PAX3: variants seen among roughly 807,000 people sequenced by gnomAD.
PAX3 encodes the protein paired box 3.
Under a neutral mutation model 51.6 loss-of-function variants are expected in PAX3, and 14 were observed. The ratio of observed to expected loss-of-function variants is 0.27; its 90% CI spans 0.18 to 0.42. The LOEUF (loss-of-function observed/expected upper bound fraction) is 0.42, where lower values mean the gene tolerates loss of function less well. PAX3 is among the 10% of genes least tolerant of loss of function. The pLI is 1.00. For synonymous variants in PAX3, 280 were observed against 253.4 expected, an observed-to-expected ratio of 1.11 and a Z score of -1.00; for missense variants, 540 against 642.8, an observed-to-expected ratio of 0.84 and a Z score of 1.73.
At chr2:222,220,029 A>G (rs558320570) in intron 7 of PAX3, 111 bp downstream of exon 7, 7 of 923,156 alleles carry the variant, frequency 7.6e-6, no homozygotes, top group South Asian at 4.3e-5. Flanking sequence ...TGGCTTCTAT[A>G]AAGAATACAT....
At chr2:222,209,680 C>A (rs59277927) in intron 7 of PAX3, among the ~76,000 whole-genome samples, 23,775 of 110,680 alleles carry the variant, frequency 0.21, 2,288 homozygotes, top group East Asian at 0.33. Flanking sequence ...GTCAATACAG[C>A]AAAACTCTGT....
At chr2:222,245,452 A>C (rs754573185) in intron 4 of PAX3, among the ~76,000 whole-genome samples, 16 of 152,226 alleles carry the variant, frequency 1.1e-4, no homozygotes, top group Non-Finnish European at 2.2e-4. Context: ...GTCCACAACC[A>C]ATGTGAATAG....
intron 4 of PAX3, among the ~76,000 whole-genome samples, chr2:222,243,141 G>A (rs143714186): frequency 6.6e-6 from 1 of 152,180 alleles, no homozygotes; most frequent in African/African-American, 2.4e-5. Context: ...AGCATGACAC[G>A]AGATGTTTGG....
intron 4 of PAX3, among the ~76,000 whole-genome samples, chr2:222,250,726 G>A (rs953654416): frequency 2.0e-5 from 3 of 152,124 alleles, no homozygotes; most frequent in African/African-American, 4.8e-5. Context: ...CAAAGATGTG[G>A]CTTTATTCTC....
chr2:222,297,315 A>C, intron 1 of PAX3, 102 bp from the exon 2 acceptor site: 4 of 858,520 alleles, frequency 4.7e-6, no homozygotes, highest in Non-Finnish European at 7.7e-6. Context: ...TCCTATCCTC[A>C]TGTTACAGCA....
chr2:222,263,345 G>A (rs745421451), intron 4 of PAX3: 2 of 152,000 alleles, frequency 1.3e-5, no homozygotes, highest in Non-Finnish European at 2.9e-5. Flanking sequence ...ATATATGGTT[G>A]GCAAATAAGG....
At position 222,298,935 on chromosome 2, in the gene PAX3, C is replaced by G. The variant is rs1695462789; in HGVS notation, c.-320G>C. ...GGGGGCTCAGAGAGCCACGGCGAGC[C>G]GGGGAGCCTGGTGAGGCTGGAGCGC... is the stretch of plus-strand genomic sequence containing the variant. On this transcript the variant is annotated 5_prime_UTR_variant, in exon 1 of 9. Coordinates refer to ENST00000392070, the MANE Select transcript of PAX3 (RefSeq NM_181458.4). The G allele has an allele frequency of 6.2e-6, 3 of 480,856 alleles. No homozygotes were observed. The highest frequency in any genetic ancestry group is 1.1e-5 in the Non-Finnish European group (3 of 264,300). The allele number at this position is 480,856 out of a possible 1,614,324, so 29.8% of individuals were successfully genotyped here.
intron 7 of PAX3, among the ~76,000 whole-genome samples, chr2:222,209,780 T>G (rs1383534130): frequency 7.4e-6 from 1 of 134,332 alleles, no homozygotes; most frequent in African/African-American, 2.8e-5. Flanking sequence ...TAGTCCCAGC[T>G]ACTGGGGGGC....
intron 5 of PAX3, among the ~76,000 whole-genome samples, chr2:222,227,237 A>G (rs1403568212): frequency 6.6e-6 from 1 of 152,168 alleles, no homozygotes; most frequent in Non-Finnish European, 1.5e-5. Context: ...GTGGTAAAAC[A>G]GGATGTTACT....
chr2:222,297,884 T>C (rs565491554), intron 1 of PAX3, among the ~76,000 whole-genome samples: 2 of 152,278 alleles, frequency 1.3e-5, no homozygotes, highest in South Asian at 2.1e-4. Flanking sequence ...GCATCTCTGC[T>C]GGGGCGCCCT....
intron 4 of PAX3, among the ~76,000 whole-genome samples, chr2:222,240,636 TA>T (rs1005863292): frequency 6.6e-6 from 1 of 152,208 alleles, no homozygotes; most frequent in Non-Finnish European, 1.5e-5. Context: ...ACATTTTGCT[TA>T]AAGGAGCCAC....
chr2:222,224,814 T>C (rs988229052), intron 5 of PAX3, among the ~76,000 whole-genome samples: 12 of 152,160 alleles, frequency 7.9e-5, no homozygotes, highest in Admixed American at 7.9e-4. Flanking sequence ...AATATACATA[T>C]TTATAACTTA....
intron 7 of PAX3, among the ~76,000 whole-genome samples, chr2:222,205,385 C>T (rs1485199656): frequency 6.6e-6 from 1 of 152,074 alleles, no homozygotes; most frequent in Non-Finnish European, 1.5e-5. Flanking sequence ...TTAGCCACAG[C>T]ACTCAGCACA....
chr2:222,222,087 C>A (rs1692216742), intron 5 of PAX3, among the ~76,000 whole-genome samples: 1 of 152,080 alleles, frequency 6.6e-6, no homozygotes, highest in South Asian at 2.1e-4. Flanking sequence ...CTATGCTAAC[C>A]AGGTACATTC....
intron 4 of PAX3, among the ~76,000 whole-genome samples, chr2:222,262,295 C>A (rs1443884434): frequency 6.6e-6 from 1 of 151,970 alleles, no homozygotes; most frequent in Non-Finnish European, 1.5e-5. Context: ...TGGACTATAA[C>A]AAATAAAGCT....
intron 7 of PAX3, among the ~76,000 whole-genome samples, chr2:222,209,100 T>A (rs1452659619): frequency 1.3e-5 from 2 of 152,142 alleles, no homozygotes. Flanking sequence ...TATACTATAT[T>A]CCCATTTCCC....
intron 4 of PAX3, among the ~76,000 whole-genome samples, chr2:222,238,435 A>G (rs1692881857): frequency 6.6e-6 from 1 of 152,194 alleles, no homozygotes; most frequent in African/African-American, 2.4e-5. Flanking sequence ...GATGGGAGAC[A>G]GGCAAAAAAT....
rs1691291300 is a variant in PAX3, at chr2:222,201,491, A to G, written c.1421-49T>C. On this transcript the variant is annotated intron_variant, in intron 8 of 8. Transcript: ENST00000392070. ...TTTAGGTCATGCTGGGACAATTCACAGTCAGGGGCAAGATCAGCTACAGGC... is the reference window on the plus strand; with the variant it reads ...TTTAGGTCATGCTGGGACAATTCACGGTCAGGGGCAAGATCAGCTACAGGC... 4.3e-6 allele frequency: 7 copies of G among 1,609,944 alleles called. No individual in the cohort carries two copies. The Middle Eastern group carries it at 5.0e-4, about 114-fold the overall frequency.
At chr2:222,205,965 CTTT>C (rs1691489869) in intron 7 of PAX3, among the ~76,000 whole-genome samples, 1 of 152,084 alleles carries the variant, frequency 6.6e-6, no homozygotes. Flanking sequence ...GTCACATTTT[CTTT>C]TTAAGAATAA....
Sources: allele counts gnomAD v4.1 joint callset (sites outside exome capture counted in the v4.1 genomes callset), GRCh38; gene constraint gnomAD v4.1.1; transcripts MANE v1.5; gene names NCBI Gene and HGNC (gene_info 2026-07-23, HGNC 2026-07-21).